The following CSMD1 variants were observed in gnomAD, a reference collection of about 807,000 sequenced individuals.
The protein encoded by CSMD1 is CUB and sushi domain-containing protein 1.
CSMD1 carries 213 observed loss-of-function variants against 417.5 expected under a neutral mutation model. The observed-to-expected ratio is 0.51, with a 90% CI of 0.46 to 0.57. CSMD1 has a LOEUF of 0.57. CSMD1 is among the 20% of genes least tolerant of loss of function. The pLI is 0.00. For missense variants in CSMD1, 6,923 were observed against 4,529.7 expected (o/e 1.53, Z -15.17); for synonymous variants, 2,862 against 1,736.8 (o/e 1.65, Z -16.11).
chr8:4,042,815 T>TAAAAAAAAAAAAAAAAAAA lies in CSMD1; in HGVS notation c.416-10735_416-10717dup, dbSNP rs60411612. 2.6e-3 allele frequency among the ~76,000 whole-genome samples: 108 copies of TAAAAAAAAAAAAAAAAAAA among 41,308 alleles called. 28 individuals are homozygous for TAAAAAAAAAAAAAAAAAAA. The highest frequency in any genetic ancestry group is 4.3e-3 in the African/African-American group (45 of 10,346). 27.1% of individuals were successfully genotyped at this position (41,308 alleles called of 152,430 possible). ...CAATAGGTGAAGTGGTACAACATAT[T>TAAAAAAAAAAAAAAAAAAA]AAAAAAAAAAAAAAAAAAAAAAAAA... On this transcript the variant is annotated intron_variant, in intron 3 of 69. Transcript: ENST00000635120.
chr8:3,190,251 A>G (rs1393969862), intron 33 of CSMD1, 136 bp from the exon 34 acceptor site: 1 of 593,036 alleles, frequency 1.7e-6, no homozygotes, highest in South Asian at 1.9e-5. Context: ...AACAATCGCT[A>G]TAGAGAATGA....
At chr8:3,375,991 C>G (rs1467275582) in intron 18 of CSMD1, among the ~76,000 whole-genome samples, 2 of 152,114 alleles carry the variant, frequency 1.3e-5, no homozygotes, top group African/African-American at 4.8e-5. Context: ...CAAATTGGAA[C>G]TTTTTTTCTC....
chr8:3,115,757 G>C (rs894608908), intron 42 of CSMD1, among the ~76,000 whole-genome samples: 2 of 152,070 alleles, frequency 1.3e-5, no homozygotes, highest in African/African-American at 2.4e-5. Context: ...ATATATACTT[G>C]TGAAGACTGA....
At chr8:4,296,311 G>T (rs188739236) in intron 3 of CSMD1, among the ~76,000 whole-genome samples, 68 of 152,042 alleles carry the variant, frequency 4.5e-4, no homozygotes, top group Non-Finnish European at 9.0e-4. Context: ...CGTCCCTGTG[G>T]TTATAAATTC....
chr8:4,242,445 T>C (rs1802456789), intron 3 of CSMD1, among the ~76,000 whole-genome samples: 1 of 152,206 alleles, frequency 6.6e-6, no homozygotes, highest in Admixed American at 6.5e-5. Flanking sequence ...CTTCAAGCTA[T>C]AATAGGACTA....
chr8:3,743,628 C>A (rs1036971221), intron 6 of CSMD1, among the ~76,000 whole-genome samples: 4 of 152,130 alleles, frequency 2.6e-5, no homozygotes, highest in Non-Finnish European at 5.9e-5. Flanking sequence ...AACCTTCCTT[C>A]CCCTTTTTGG....
At chr8:4,155,259 T>C (rs925373129) in intron 3 of CSMD1, among the ~76,000 whole-genome samples, 2 of 152,020 alleles carry the variant, frequency 1.3e-5, no homozygotes, top group African/African-American at 4.8e-5. Flanking sequence ...AGCAGAGAGG[T>C]GAATAAGTCC....
chr8:3,294,933 A>C (rs1803853105), intron 25 of CSMD1, among the ~76,000 whole-genome samples: 1 of 152,062 alleles, frequency 6.6e-6, no homozygotes, highest in Admixed American at 6.5e-5. Context: ...GGAGCTGTAG[A>C]CTGGAGCTGT....
At chr8:4,026,983 G>A (rs181900570) in intron 4 of CSMD1, among the ~76,000 whole-genome samples, 1 of 152,310 alleles carries the variant, frequency 6.6e-6, no homozygotes, top group Admixed American at 6.5e-5. Flanking sequence ...CAATTCTTAT[G>A]CTGTAGTCCC....
chr8:4,292,255 T>C (rs559683050), intron 3 of CSMD1, among the ~76,000 whole-genome samples: 64 of 152,220 alleles, frequency 4.2e-4, no homozygotes, highest in Non-Finnish European at 7.1e-4. Flanking sequence ...TTGTTGTTGT[T>C]GTTTAGTTTT....
chr8:4,170,174 G>C (rs762005742), intron 3 of CSMD1, among the ~76,000 whole-genome samples: 10 of 151,732 alleles, frequency 6.6e-5, no homozygotes, highest in Non-Finnish European at 1.5e-4. Flanking sequence ...TAAGAGTGAA[G>C]GACCTTTCAC....
Position 4,760,328 on chromosome 8 carries a change from G to C in CSMD1, c.86-122770C>G, listed in dbSNP as rs140262744. ...TCTAATCCTTATAAACTTCTGTGCT[G>C]GTTTCCTAGTGAAATCAACATGAAG... On this transcript the variant is annotated intron_variant, in intron 1 of 69. Coordinates refer to ENST00000635120, the MANE Select transcript of CSMD1 (RefSeq NM_033225.6). 1.2e-3 allele frequency among the ~76,000 whole-genome samples: 180 copies of C among 152,284 alleles called. 2 individuals are homozygous for C. The highest frequency in any genetic ancestry group is 4.1e-3 in the African/African-American group (171 of 41,572).
At chr8:4,582,010 T>G (rs370449223) in intron 2 of CSMD1, among the ~76,000 whole-genome samples, 3 of 151,992 alleles carry the variant, frequency 2.0e-5, no homozygotes, top group East Asian at 3.9e-4. Flanking sequence ...TAGCCTACGA[T>G]GATGAAATGA....
intron 3 of CSMD1, among the ~76,000 whole-genome samples, chr8:4,370,379 C>G (rs746526650): frequency 1.3e-5 from 2 of 152,072 alleles, no homozygotes; most frequent in Non-Finnish European, 2.9e-5. Flanking sequence ...AAGATTTTTT[C>G]TTTCTCACAG....
At chr8:4,054,775 A>G (rs1270885680) in intron 3 of CSMD1, among the ~76,000 whole-genome samples, 3 of 152,088 alleles carry the variant, frequency 2.0e-5, no homozygotes, top group Non-Finnish European at 2.9e-5. Context: ...GATGACATCT[A>G]CCTTCAAGTG....
chr8:3,206,682 GTA>G (rs375134668), intron 30 of CSMD1, among the ~76,000 whole-genome samples: 2 of 146,420 alleles, frequency 1.4e-5, no homozygotes, highest in African/African-American at 5.1e-5. Flanking sequence ...GTGTGTGTGT[GTA>G]TATGTGTGTG....
rs145744749 is a variant in CSMD1, at chr8:4,625,701, C to A, written c.302+11641G>T. On this transcript the variant is annotated intron_variant, in intron 2 of 69. Transcript: ENST00000635120. Reference sequence around the variant, plus strand: ...CAAGCAAATATAATGATTATCGTATCCGTAACATATTCAAGACAGGCTTGG... The same window carrying A: ...CAAGCAAATATAATGATTATCGTATACGTAACATATTCAAGACAGGCTTGG... 2.2e-3 allele frequency among the ~76,000 whole-genome samples: 329 copies of A among 152,114 alleles called. 2 individuals carry two copies. Among genetic ancestry groups the A allele is most frequent in the African/African-American group, 7.6e-3 (316 of 41,478 alleles).
intron 3 of CSMD1, among the ~76,000 whole-genome samples, chr8:4,369,454 C>G (rs1594352): frequency 0.7 from 106,864 of 152,032 alleles, 38,533 homozygotes; most frequent in African/African-American, 0.89. Flanking sequence ...ATGTCTCTGA[C>G]GTATAATTAG....
chr8:3,348,223 T>G (rs937910432), intron 21 of CSMD1, 62 bp from the exon 22 acceptor site: 2 of 1,271,924 alleles, frequency 1.6e-6, no homozygotes, highest in Non-Finnish European at 2.2e-6. Flanking sequence ...TTTTAACAGA[T>G]TAAAAACTTT....
Sources: gnomAD v4.1 joint callset for allele counts (sites outside exome capture counted in the v4.1 genomes callset) on GRCh38, gnomAD v4.1.1 for gene constraint, MANE v1.5 for transcripts, NCBI Gene and HGNC (gene_info 2026-07-23, HGNC 2026-07-21) for gene names.